Variants in TUSC3 observed in about 807,000 individuals in gnomAD.
TUSC3 encodes the protein dolichyl-diphosphooligosaccharide--protein glycosyltransferase subunit TUSC3.
In TUSC3, 45 loss-of-function variants were observed where a neutral mutation model predicts 44.8. The ratio of observed to expected loss-of-function variants is 1.00; its 90% confidence interval spans 0.79 to 1.29. The LOEUF (loss-of-function observed/expected upper bound fraction) is 1.29. Ranked by LOEUF, TUSC3 falls within the 50% of genes most tolerant of loss-of-function variation. TUSC3 has a pLI of 0.00. For missense variants in TUSC3, 519 were observed against 437.9 expected (o/e 1.19, Z -1.65); for synonymous variants, 212 against 152.9 (o/e 1.39, Z -2.85).
chr8:15,653,460 A>G (rs1807010130), intron 3 of TUSC3, among the ~76,000 whole-genome samples: 1 of 152,226 alleles, frequency 6.6e-6, no homozygotes, highest in Non-Finnish European at 1.5e-5. Flanking sequence ...ATAAATGGTT[A>G]CATATAATCA....
intron 2 of TUSC3, among the ~76,000 whole-genome samples, chr8:15,633,371 C>T (rs149511460): frequency 4.6e-5 from 7 of 152,080 alleles, no homozygotes; most frequent in Non-Finnish European, 8.8e-5. Flanking sequence ...TTGATCACTT[C>T]GGTGAAAGTT....
the TUSC3 span, chr8:15,806,929 G>A: frequency 7.0e-7 from 1 of 1,433,630 alleles, no homozygotes; most frequent in Non-Finnish European, 9.8e-7. Flanking sequence ...TCTGCACCAT[G>A]TTTCTTCTCT....
intron 2 of TUSC3, among the ~76,000 whole-genome samples, chr8:15,530,341 G>T (rs1040159076): frequency 1.3e-5 from 2 of 152,102 alleles, no homozygotes; most frequent in Non-Finnish European, 2.9e-5. Context: ...TGGCATAGTG[G>T]ATAAGTTGAT....
chr8:15,575,048 A>C (rs1027866688), intron 1 of TUSC3, among the ~76,000 whole-genome samples: 2 of 152,116 alleles, frequency 1.3e-5, no homozygotes, highest in Admixed American at 6.6e-5. Context: ...AAATTTTTAT[A>C]CTGACTATAA....
chr8:15,528,799 G>A (rs746119671), intron 2 of TUSC3, among the ~76,000 whole-genome samples: 5 of 152,066 alleles, frequency 3.3e-5, no homozygotes, highest in Non-Finnish European at 1.5e-5. Flanking sequence ...CCTTCCCTCT[G>A]TATAATTTCA....
chr8:15,518,536 G>A (rs993725542), intron 2 of TUSC3, among the ~76,000 whole-genome samples: 3 of 152,084 alleles, frequency 2.0e-5, no homozygotes, highest in Non-Finnish European at 4.4e-5. Flanking sequence ...GGTTGGATTA[G>A]TGTCTCAAGT....
chr8:15,451,486 A>G (rs968121744), intron 1 of TUSC3, among the ~76,000 whole-genome samples: 14 of 152,104 alleles, frequency 9.2e-5, no homozygotes, highest in Admixed American at 2.0e-4. Flanking sequence ...TAAAAAGCCA[A>G]AAGGATAGGA....
At chr8:15,634,205 A>T (rs1007235956) in intron 2 of TUSC3, among the ~76,000 whole-genome samples, 7 of 152,184 alleles carry the variant, frequency 4.6e-5, no homozygotes, top group African/African-American at 1.7e-4. Flanking sequence ...TTTGCTTACA[A>T]TTATTGAGGT....
chr8:15,606,866 C>T (rs1359692152), intron 1 of TUSC3, among the ~76,000 whole-genome samples: 1 of 151,914 alleles, frequency 6.6e-6, no homozygotes, highest in Admixed American at 6.6e-5. Flanking sequence ...CATATTGTAT[C>T]CCTTGGTACA....
intron 1 of TUSC3, among the ~76,000 whole-genome samples, chr8:15,422,195 A>G (rs1035248419): frequency 1.6e-4 from 25 of 152,226 alleles, no homozygotes; most frequent in African/African-American, 6.0e-4. Context: ...TTATGTACTG[A>G]CTAAATTAAT....
chr8:15,834,746 C>A, the TUSC3 span, among the ~76,000 whole-genome samples: 1 of 152,080 alleles, frequency 6.6e-6, no homozygotes, highest in Non-Finnish European at 1.5e-5. Flanking sequence ...ATTTATACAA[C>A]CTACTTTAAT....
At chr8:15,777,604 C>G in the TUSC3 span, among the ~76,000 whole-genome samples, 1 of 152,024 alleles carries the variant, frequency 6.6e-6, no homozygotes, top group Non-Finnish European at 1.5e-5. Flanking sequence ...TATTTAGTGC[C>G]TTTACTTTTT....
intron 1 of TUSC3, among the ~76,000 whole-genome samples, chr8:15,442,494 C>G (rs1220803920): frequency 6.6e-6 from 1 of 152,090 alleles, no homozygotes; most frequent in Non-Finnish European, 1.5e-5. Flanking sequence ...AAAAGGTGAT[C>G]TGATTAGCTG....
intron 7 of TUSC3, among the ~76,000 whole-genome samples, chr8:15,735,790 T>C (rs1315439405): frequency 6.6e-6 from 1 of 152,086 alleles, no homozygotes; most frequent in Non-Finnish European, 1.5e-5. Flanking sequence ...AGCTCTGCCT[T>C]CCGGGTTCAC....
the TUSC3 span, chr8:15,806,096 C>G: frequency 2.8e-6 from 1 of 359,190 alleles, no homozygotes; most frequent in African/African-American, 2.1e-5. Flanking sequence ...CAAAGCTGAG[C>G]TGTACTCAGC....
At position 15,766,157 on chromosome 8, in the gene TUSC3, A is replaced by T. The variant is rs1456229193; in HGVS notation, c.*2001A>T. The T allele has an allele frequency of 2.0e-5, 3 of 151,196 alleles. No individual in the cohort carries two copies. The highest frequency in any genetic ancestry group is 6.6e-5 in the Admixed American group (1 of 15,122). The allele number at this position is 151,196 out of a possible 1,614,324, so 9.4% of individuals were successfully genotyped here. The stretch of plus-strand genomic sequence containing the variant: ...AATTACATCCAGTGATAAAAACAAT[A>T]TTTTTTTTTCAGAATTTCATGCTTT... On this transcript the variant is annotated 3_prime_UTR_variant, in exon 11 of 11. Transcript: ENST00000503731.
intron 1 of TUSC3, among the ~76,000 whole-genome samples, chr8:15,572,138 G>T (rs1004498492): frequency 6.6e-6 from 1 of 152,100 alleles, no homozygotes; most frequent in Admixed American, 6.5e-5. Context: ...CCATGGCATC[G>T]CCTTCCAGTA....
chr8:15,594,810 C>T (rs568848204), intron 1 of TUSC3, among the ~76,000 whole-genome samples: 1 of 152,106 alleles, frequency 6.6e-6, no homozygotes, highest in South Asian at 2.1e-4. Flanking sequence ...CAACAAGTTA[C>T]ATAAGACAGA....
chr8:15,754,424 T>C (rs984867327), intron 9 of TUSC3, among the ~76,000 whole-genome samples: 1 of 152,116 alleles, frequency 6.6e-6, no homozygotes, highest in Non-Finnish European at 1.5e-5. Context: ...CATGAATACA[T>C]GTTGCAGAGA....
Sources: allele counts gnomAD v4.1 joint callset (sites outside exome capture counted in the v4.1 genomes callset), GRCh38; gene constraint gnomAD v4.1.1; transcripts MANE v1.5; gene names NCBI Gene and HGNC (gene_info 2026-07-23, HGNC 2026-07-21).